The following CEP68 variants were observed in gnomAD, a reference collection of about 807,000 sequenced individuals.
CEP68 encodes centrosomal protein of 68 kDa.
A neutral mutation model predicts 55.3 loss-of-function variants in CEP68; 26 were observed. That is an observed-to-expected ratio of 0.47 (90% CI 0.34 to 0.65). CEP68 has a LOEUF of 0.65. Ranked by LOEUF, CEP68 falls within the 30% of genes least tolerant of loss-of-function variation. The pLI, the probability that CEP68 is intolerant of heterozygous loss-of-function variation, is 0.01. For missense variants in CEP68, 957 were observed against 946.7 expected (o/e 1.01, Z -0.14); for synonymous variants, 402 against 383.2 (o/e 1.05, Z -0.57).
chr2:65,068,688 G>A (rs145041689), intron 1 of CEP68, among the ~76,000 whole-genome samples: 7,199 of 152,164 alleles, frequency 0.047, 561 homozygotes, highest in African/African-American at 0.16. Flanking sequence ...TTAGCCAGGC[G>A]TGGTGGCATG....
chr2:65,058,967 T>C (rs972148161), intron 1 of CEP68, among the ~76,000 whole-genome samples: 2 of 152,202 alleles, frequency 1.3e-5, no homozygotes, highest in African/African-American at 4.8e-5. Flanking sequence ...ACAGTAGTAC[T>C]TGATACATTC....
At chr2:65,073,003 A>G in intron 3 of CEP68, 23 bp downstream of exon 3, 2 of 1,613,076 alleles carry the variant, frequency 1.2e-6, no homozygotes, top group Non-Finnish European at 1.7e-6. Context: ...AACGTTAGGA[A>G]GCTTTGTGTA....
rs1339584218 is a variant in CEP68 at position 65,085,103 on chromosome 2, T to C, written c.*1469T>C. On this transcript the variant is annotated 3_prime_UTR_variant, in exon 7 of 7. Coordinates refer to ENST00000377990, the MANE Select transcript of CEP68 (RefSeq NM_015147.3). ...ATGTACATTTATAAGTAGGAACATG[T>C]CCTTCCACTGAGTATGTTACTGAAT... The C allele has an allele frequency of 6.6e-6, 1 of 152,240 alleles. No individual in the cohort carries two copies. Among genetic ancestry groups the C allele is most frequent in the Non-Finnish European group, 1.5e-5 (1 of 68,048 alleles). 9.4% of individuals were successfully genotyped at this position (152,240 alleles called of 1,614,324 possible). A position where few individuals can be genotyped will look rare whatever the true frequency, so the allele number is the denominator to read the frequency against.
At chr2:65,083,110 T>C (rs1436048342) in intron 6 of CEP68, among the ~76,000 whole-genome samples, 2 of 152,060 alleles carry the variant, frequency 1.3e-5, no homozygotes, top group Non-Finnish European at 2.9e-5. Flanking sequence ...CCAGCTCATT[T>C]GGTACTCCAT....
intron 2 of CEP68, 56 bp from the exon 3 acceptor site, chr2:65,071,394 TAAGA>T (rs988410524): frequency 7.0e-7 from 1 of 1,429,630 alleles, no homozygotes; most frequent in Non-Finnish European, 9.7e-7. Context: ...GGTTGTCATC[TAAGA>T]AAGAAATTGG....
At chr2:65,069,985 G>T (rs911328593) in intron 2 of CEP68, among the ~76,000 whole-genome samples, 184 bp downstream of exon 2, 4 of 152,156 alleles carry the variant, frequency 2.6e-5, no homozygotes, top group Admixed American at 2.6e-4. Context: ...ACCGGCCGGG[G>T]GGACTGTCCA....
At chr2:65,076,415 T>A (rs1676757478) in intron 4 of CEP68, among the ~76,000 whole-genome samples, 1 of 152,058 alleles carries the variant, frequency 6.6e-6, no homozygotes. Context: ...GAGCTGGGAG[T>A]CACTCGTGCA....
intron 5 of CEP68, among the ~76,000 whole-genome samples, chr2:65,078,661 C>T (rs1676872747): frequency 6.6e-6 from 1 of 152,270 alleles, no homozygotes; most frequent in Non-Finnish European, 1.5e-5. Flanking sequence ...TCTGCCTCAG[C>T]CTCCTGAGTA....
chr2:65,074,574 A>T lies in CEP68; in HGVS notation c.2007+170A>T, dbSNP rs561019317. On this transcript the variant is annotated intron_variant, in intron 4 of 6. Transcript: ENST00000377990. ...ATTCTTAAAGCGGAACGCTTTGTAAAATGCATGAATTATTTCCCAGGCCAA... is the reference window on the plus strand; with the variant it reads ...ATTCTTAAAGCGGAACGCTTTGTAATATGCATGAATTATTTCCCAGGCCAA... The T allele has an allele frequency of 4.6e-4, 427 of 930,560 alleles. 1 individual carries two copies. The highest frequency in any genetic ancestry group is 1.5e-3 in the Middle Eastern group (7 of 4,618). The allele number at this position is 930,560 out of a possible 1,614,324, so 57.6% of individuals were successfully genotyped here.
chr2:65,064,919 G>A (rs1427224260), intron 1 of CEP68, among the ~76,000 whole-genome samples: 2 of 152,130 alleles, frequency 1.3e-5, no homozygotes, highest in South Asian at 4.1e-4. Flanking sequence ...ATGTGGCTCC[G>A]TAAGATCTCT....
At position 65,072,809 on chromosome 2, in the gene CEP68, A is replaced by G. The variant is rs992417393; in HGVS notation, c.1713A>G (p.Glu571=). The G allele has an allele frequency of 2.7e-5, 44 of 1,614,162 alleles. No individual in the cohort carries two copies. Among genetic ancestry groups the G allele is most frequent in the Non-Finnish European group, 3.7e-5 (44 of 1,180,018 alleles). Residue 571 remains glutamate (E), a synonymous_variant, in exon 3 of 7, where the codon GAA becomes GAG. Transcript: ENST00000377990. ...TCCGTGCCCACGACTCCGCAGGGGA[A>G]GGCAGTCTGGGGAGCAGCCAGGCCC... ...SFVRAHDSAG[E]GSLGSSQALG...
In CEP68 at chr2:65,086,043, C is replaced by T. The variant is rs1669018128; in HGVS notation, c.*2409C>T. The T allele has an allele frequency of 6.6e-6, 1 of 151,346 alleles. No individual in the cohort carries two copies. Among genetic ancestry groups the T allele is most frequent in the South Asian group, 2.1e-4 (1 of 4,784 alleles). The allele number at this position is 151,346 out of a possible 1,614,324, so 9.4% of individuals were successfully genotyped here. ...TTTCAAGATCTGGGTTCTTGGAGAT[C>T]CATAGGTAAGCTCAGCAAATGGAAG... On this transcript the variant is annotated 3_prime_UTR_variant, in exon 7 of 7. Transcript: ENST00000377990.
chr2:65,070,957 C>G (rs1676430871), intron 2 of CEP68: 1 of 160,344 alleles, frequency 6.2e-6, no homozygotes, highest in Admixed American at 5.9e-5. Context: ...AGTTCTTCAT[C>G]AAGCAGATAA....
In CEP68 at chr2:65,071,938, C is replaced by A. The variant is rs1175768889; in HGVS notation, c.842C>A (p.Ser281Tyr). The change falls in exon 3 of 7, where the codon TCC becomes TAC. Residue 281 changes from serine to tyrosine, a missense_variant. Ser to Tyr is a moderately radical substitution (Grantham distance 144). Transcript: ENST00000377990. ...TACTGGGCCTGTGTGCTGCCAGATT[C>A]CCTGCCTCCATCACCCGACCGCCAC... is the stretch of plus-strand genomic sequence containing the variant. ...AEYWACVLPD[S>Y]LPPSPDRHSP... 6.2e-7 allele frequency: 1 copy of A among 1,613,144 alleles called. No individual in the cohort carries two copies. The highest frequency in any genetic ancestry group is 1.7e-5 in the Admixed American group (1 of 59,994).
chr2:65,069,589 G>A lies in CEP68; in HGVS notation c.145G>A (p.Gly49Arg), dbSNP rs553483169. The change falls in exon 2 of 7, where the codon GGA becomes AGA. Residue 49 changes from glycine (G) to arginine (R), a missense_variant. Transcript: ENST00000377990. The stretch of plus-strand genomic sequence containing the variant: ...GCAGCCCCCACGCCTGGAAGCTGAG[G>A]GAGGGCTCATCTCCCCTGTATGGGG... The part of the protein sequence containing the change: ...GEQPPRLEAE[G>R]GLISPVWGAE... 4.3e-6 allele frequency: 7 copies of A among 1,613,914 alleles called. No homozygotes were observed. Among genetic ancestry groups the A allele is most frequent in the Non-Finnish European group, 3.4e-6 (4 of 1,179,856 alleles).
rs766180522 is a variant in CEP68, at chr2:65,077,883, A to G, written c.2023A>G (p.Ile675Val). The change falls in exon 5 of 7, where the codon ATA becomes GTA. Residue 675 changes from isoleucine to valine, a missense_variant. Ile to Val is a conservative substitution (Grantham distance 29, BLOSUM62 3). Coordinates refer to ENST00000377990, the MANE Select transcript of CEP68 (RefSeq NM_015147.3). ...LQLYRQFKKDIDEHQSLTESV... is the reference protein window; with the variant it reads ...LQLYRQFKKDVDEHQSLTESV... ...ACGCCTTAAGCAATTTAAGAAAGAT[A>G]TAGATGAACATCAGTCTCTGACGGA... is the stretch of plus-strand genomic sequence containing the variant. 5.6e-6 allele frequency: 9 copies of G among 1,613,238 alleles called. No homozygotes were observed. The East Asian group carries it at 6.7e-5, about 12-fold the overall frequency.
chr2:65,069,908 G>A (rs1304539138), intron 2 of CEP68, 107 bp downstream of exon 2: 3 of 991,174 alleles, frequency 3.0e-6, no homozygotes, highest in Non-Finnish European at 4.6e-6. Context: ...TGCAGGGTGA[G>A]GAATTGGAGG....
chr2:65,059,031 A>T (rs1675787419), intron 1 of CEP68, among the ~76,000 whole-genome samples: 2 of 152,146 alleles, frequency 1.3e-5, no homozygotes, highest in Non-Finnish European at 2.9e-5. Context: ...AGCTAAATAG[A>T]TGGGGGCCTC....
At chr2:65,065,654 A>G (rs1353694052) in intron 1 of CEP68, among the ~76,000 whole-genome samples, 2 of 152,356 alleles carry the variant, frequency 1.3e-5, no homozygotes, top group East Asian at 3.9e-4. Flanking sequence ...CTGTACATAC[A>G]TTTATGAAAG....
Sources: allele counts gnomAD v4.1 joint callset (sites outside exome capture counted in the v4.1 genomes callset), GRCh38; gene constraint gnomAD v4.1.1; transcripts MANE v1.5; gene names NCBI Gene and HGNC (gene_info 2026-07-23, HGNC 2026-07-21).